The following SNX9 variants were observed in gnomAD, a reference collection of about 807,000 sequenced individuals.
The protein encoded by SNX9 is sorting nexin 9, also known as sorting nexin-9.
In SNX9, 44 loss-of-function variants were observed where a neutral mutation model predicts 89.4. That is an observed-to-expected ratio of 0.49 (90% CI 0.39 to 0.63). The LOEUF is 0.63. SNX9 is among the 30% of genes least tolerant of loss of function. The pLI is 0.00. For missense variants in SNX9, 578 were observed against 736.1 expected (o/e 0.79, Z 2.49); for synonymous variants, 236 against 247.8 (o/e 0.95, Z 0.45).
intron 4 of SNX9, among the ~76,000 whole-genome samples, chr6:157,877,703 A>G (rs1782547536): frequency 6.6e-6 from 1 of 152,006 alleles, no homozygotes; most frequent in Admixed American, 6.6e-5. Flanking sequence ...GAGAGCGGGA[A>G]CCTCAGAGAA....
At position 157,901,911 on chromosome 6, in the gene SNX9, T is replaced by C. The variant is rs1042545737; in HGVS notation, c.486T>C (p.Asp162=). The change falls in exon 6 of 18, where the codon GAT becomes GAC. Residue 162 remains aspartate, a synonymous_variant. Transcript: ENST00000392185. ...TTTCACCTCTAGCAACTGGTGATGA[T>C]GATGACTGGGATGAAGACTGGGATG... ...QAYQGPATGD[D]DDWDEDWDGP... is the part of the protein sequence containing the mutation. 6.2e-7 allele frequency: 1 copy of C among 1,609,898 alleles called. No homozygotes were observed. Among genetic ancestry groups the C allele is most frequent in the Non-Finnish European group, 8.5e-7 (1 of 1,178,130 alleles).
chr6:157,915,657 A>ATATATATATATATATATATATATG (rs1783451231), intron 9 of SNX9, among the ~76,000 whole-genome samples: 18 of 128,654 alleles, frequency 1.4e-4, no homozygotes, highest in African/African-American at 5.4e-4. Flanking sequence ...ATATATATAT[A>ATATATATATATATATATATATATG]CACACACACA....
intron 16 of SNX9, among the ~76,000 whole-genome samples, 164 bp from the exon 17 acceptor site, chr6:157,940,719 A>G (rs559587497): frequency 1.3e-5 from 2 of 152,352 alleles, no homozygotes; most frequent in African/African-American, 4.8e-5. Context: ...GCCCAGCTCA[A>G]CTTGTTTTTC....
At chr6:157,826,888 T>TATATATTATAGTTTATATAATATATAAAA (rs1781366348) in intron 1 of SNX9, among the ~76,000 whole-genome samples, 2 of 75,214 alleles carry the variant, frequency 2.7e-5, no homozygotes, top group East Asian at 3.1e-4. Context: ...AATATATAAA[T>TATATATTATAGTTTATATAATATATAAAA]ATATATTATA....
At chr6:157,909,214 G>A (rs576725769) in intron 7 of SNX9, among the ~76,000 whole-genome samples, 3 of 152,338 alleles carry the variant, frequency 2.0e-5, no homozygotes, top group South Asian at 4.1e-4. Flanking sequence ...GATAGGTACA[G>A]TACATGAGAA....
chr6:157,906,159 C>G lies in SNX9; in HGVS notation c.652C>G (p.Gln218Glu). ...FPGFAKPGTEQYLLAKQLAKP... is the reference protein window; with the variant it reads ...FPGFAKPGTEEYLLAKQLAKP... ...TGGATTTGCGAAACCTGGCACGGAA[C>G]AGTATTTGTTGGCCAAACAACTAGC... The change falls in exon 7 of 18, where the codon CAG becomes GAG. Residue 218 changes from glutamine (Q) to glutamate (E), a missense_variant. Physicochemically the swap from Gln to Glu is conservative, Grantham distance 29. Transcript: ENST00000392185. 6.2e-7 allele frequency: 1 copy of G among 1,602,986 alleles called. No individual in the cohort carries two copies. Among genetic ancestry groups the G allele is most frequent in the Non-Finnish European group, 8.5e-7 (1 of 1,177,290 alleles).
intron 10 of SNX9, among the ~76,000 whole-genome samples, chr6:157,925,196 T>C (rs1232369281): frequency 6.6e-6 from 1 of 152,238 alleles, no homozygotes; most frequent in Non-Finnish European, 1.5e-5. Flanking sequence ...ATAGGAGATG[T>C]GATCATGTAC....
At chr6:157,894,003 G>C (rs555055730) in intron 4 of SNX9, among the ~76,000 whole-genome samples, 25 of 152,140 alleles carry the variant, frequency 1.6e-4, no homozygotes, top group Admixed American at 3.3e-4. Flanking sequence ...CAAATCATGG[G>C]GGAAAGATGG....
At chr6:157,881,508 G>A (rs1368981366) in intron 4 of SNX9, among the ~76,000 whole-genome samples, 1 of 152,174 alleles carries the variant, frequency 6.6e-6, no homozygotes, top group African/African-American at 2.4e-5. Flanking sequence ...ATTAAGCTTA[G>A]TGAGGAAGGC....
chr6:157,834,149 G>GTTTTTTTT lies in SNX9; in HGVS notation c.12+10703_12+10704insTTTTTTTT, dbSNP rs1491214417. Among the ~76,000 whole-genome samples, 66 of 60,042 alleles carry GTTTTTTTT rather than the reference G, an allele frequency of 1.1e-3. 8 individuals are homozygous for GTTTTTTTT. Among genetic ancestry groups the GTTTTTTTT allele is most frequent in the African/African-American group, 2.1e-3 (31 of 15,074 alleles). The allele number at this position is 60,042 out of a possible 152,430, so 39.4% of individuals were successfully genotyped here. On this transcript the variant is annotated intron_variant, in intron 1 of 17. Coordinates refer to ENST00000392185, the MANE Select transcript of SNX9 (RefSeq NM_016224.5). ...GATCCTGCCATGTGGTGTCCACTGT[G>GTTTTTTTT]GTTTTTTTTTTTTTTTTTTTTTTTT...
intron 13 of SNX9, among the ~76,000 whole-genome samples, chr6:157,932,703 C>T (rs918899002): frequency 2.0e-5 from 3 of 150,712 alleles, no homozygotes; most frequent in African/African-American, 7.3e-5. Context: ...CCCATCTCTA[C>T]AAAAAAATAA....
At chr6:157,841,158 G>T (rs1781695482) in intron 1 of SNX9, among the ~76,000 whole-genome samples, 1 of 152,194 alleles carries the variant, frequency 6.6e-6, no homozygotes, top group Non-Finnish European at 1.5e-5. Context: ...CATCATCTTG[G>T]CTTAGAATTT....
intron 1 of SNX9, among the ~76,000 whole-genome samples, chr6:157,845,082 G>T (rs943724338): frequency 6.7e-6 from 1 of 150,328 alleles, no homozygotes. Context: ...TTCAGCCACC[G>T]CACCTGGCCC....
intron 4 of SNX9, among the ~76,000 whole-genome samples, chr6:157,882,895 A>G (rs1782656221): frequency 6.6e-6 from 1 of 152,240 alleles, no homozygotes; most frequent in Non-Finnish European, 1.5e-5. Context: ...AACTTAGTAG[A>G]TAAAATAGCA....
At chr6:157,860,355 A>G (rs1782096147) in intron 1 of SNX9, among the ~76,000 whole-genome samples, 1 of 152,218 alleles carries the variant, frequency 6.6e-6, no homozygotes. Flanking sequence ...GCAGTGAGCC[A>G]TGATTGCACC....
rs143482471 is a variant in SNX9 at position 157,868,912 on chromosome 6, C to T, written c.99+1279C>T. Among the ~76,000 whole-genome samples, 19 of 152,308 alleles carry T rather than the reference C, an allele frequency of 1.2e-4. No homozygotes were observed. In the East Asian group the frequency reaches 1.9e-3, roughly 15 times the overall value. ...CATGCCTGTCCTTGGTCCACGCCTC[C>T]GCCTCTGGGCCCCACACTGCAACGT... On this transcript the variant is annotated intron_variant, in intron 2 of 17. Coordinates refer to ENST00000392185, the MANE Select transcript of SNX9 (RefSeq NM_016224.5).
Position 157,944,427 on chromosome 6 carries a change from A to C in SNX9, c.*1589A>C, listed in dbSNP as rs1474975648. 6.5e-6 allele frequency: 1 copy of C among 152,676 alleles called. No homozygotes were observed. The highest frequency in any genetic ancestry group is 1.9e-4 in the East Asian group (1 of 5,208). The allele number at this position is 152,676 out of a possible 1,614,324, so 9.5% of individuals were successfully genotyped here. On this transcript the variant is annotated 3_prime_UTR_variant, in exon 18 of 18. Transcript: ENST00000392185. ...CATTTAATATATGTACAAATTGTAA[A>C]GAATATGTATAAATGTTTTACACGA...
intron 2 of SNX9, among the ~76,000 whole-genome samples, chr6:157,870,187 C>A (rs1253168998): frequency 6.6e-6 from 1 of 151,850 alleles, no homozygotes; most frequent in Non-Finnish European, 1.5e-5. Context: ...CACACTCATG[C>A]TCTCACACAT....
chr6:157,908,799 C>T (rs1783274264), intron 7 of SNX9, among the ~76,000 whole-genome samples: 1 of 152,218 alleles, frequency 6.6e-6, no homozygotes, highest in Admixed American at 6.5e-5. Context: ...CCTTCCTCAC[C>T]TCCCACCACA....
Sources: allele counts gnomAD v4.1 joint callset (sites outside exome capture counted in the v4.1 genomes callset), GRCh38; gene constraint gnomAD v4.1.1; transcripts MANE v1.5; gene names NCBI Gene and HGNC (gene_info 2026-07-23, HGNC 2026-07-21).